SPIDR: variants seen among roughly 807,000 people sequenced by gnomAD.
SPIDR encodes scaffold protein involved in DNA repair.
In SPIDR, 93 loss-of-function variants were observed where a neutral mutation model predicts 104.6. The ratio of observed to expected loss-of-function variants is 0.89; its 90% CI spans 0.75 to 1.06. The LOEUF is 1.06. SPIDR is among the 50% of genes least tolerant of loss of function. The pLI is 0.00. For missense variants in SPIDR, 1,154 were observed against 1,111.2 expected, an observed-to-expected ratio of 1.04 and a Z score of -0.55; for synonymous variants, 431 against 416.9, an observed-to-expected ratio of 1.03 and a Z score of -0.41.
At chr8:47,719,759 C>T (rs1007821607) in intron 16 of SPIDR, among the ~76,000 whole-genome samples, 4 of 151,876 alleles carry the variant, frequency 2.6e-5, no homozygotes, top group Non-Finnish European at 5.9e-5. Flanking sequence ...ACATCTCCCA[C>T]ACTGAAGGAA....
At chr8:47,269,291 G>A (rs1208553610) in intron 1 of SPIDR, among the ~76,000 whole-genome samples, 1 of 150,140 alleles carries the variant, frequency 6.7e-6, no homozygotes, top group African/African-American at 2.5e-5. Context: ...AGAATCTTGC[G>A]CTGTCACCCA....
intron 5 of SPIDR, among the ~76,000 whole-genome samples, chr8:47,298,214 A>G (rs1399168914): frequency 6.6e-6 from 1 of 152,168 alleles, no homozygotes; most frequent in African/African-American, 2.4e-5. Context: ...GCCAGTGATG[A>G]TGAGCATCTT....
chr8:47,581,658 C>A (rs573451208), intron 8 of SPIDR, among the ~76,000 whole-genome samples: 4 of 152,078 alleles, frequency 2.6e-5, no homozygotes, highest in Non-Finnish European at 5.9e-5. Context: ...CCCAAGCATG[C>A]CTTCCATGAA....
intron 8 of SPIDR, among the ~76,000 whole-genome samples, chr8:47,491,694 C>A (rs1267755501): frequency 1.3e-5 from 2 of 151,864 alleles, no homozygotes; most frequent in Non-Finnish European, 2.9e-5. Context: ...GGGTGTGGCC[C>A]CAGTATTAGC....
At chr8:47,315,273 A>G (rs1554588760) in intron 5 of SPIDR, among the ~76,000 whole-genome samples, 1 of 152,200 alleles carries the variant, frequency 6.6e-6, no homozygotes, top group Non-Finnish European at 1.5e-5. Context: ...CATTCTATTC[A>G]AGTACACATG....
intron 5 of SPIDR, among the ~76,000 whole-genome samples, chr8:47,316,910 A>G (rs1174556874): frequency 1.3e-5 from 2 of 152,206 alleles, no homozygotes. Flanking sequence ...GCTGAGATAT[A>G]ATGGGATGAT....
chr8:47,606,284 C>G (rs2062929813), intron 10 of SPIDR, among the ~76,000 whole-genome samples: 1 of 151,884 alleles, frequency 6.6e-6, no homozygotes, highest in South Asian at 2.1e-4. Flanking sequence ...CTTTGGGAGG[C>G]CGAGGTGGGT....
At chr8:47,413,365 T>C (rs1419670262) in intron 7 of SPIDR, among the ~76,000 whole-genome samples, 4 of 152,256 alleles carry the variant, frequency 2.6e-5, no homozygotes, top group Non-Finnish European at 2.9e-5. Context: ...TCTGATTATC[T>C]AGCCAAGGAA....
At chr8:47,371,778 G>C (rs1179960336) in intron 5 of SPIDR, among the ~76,000 whole-genome samples, 1 of 152,172 alleles carries the variant, frequency 6.6e-6, no homozygotes, top group Non-Finnish European at 1.5e-5. Context: ...ATAGTGCATT[G>C]CTTCAAAAAA....
chr8:47,563,154 C>G (rs1317732308), intron 8 of SPIDR, among the ~76,000 whole-genome samples: 4 of 151,552 alleles, frequency 2.6e-5, no homozygotes, highest in Non-Finnish European at 5.9e-5. Context: ...AGGGAGGCAG[C>G]TCAGATCACA....
At chr8:47,304,362 C>T (rs1393024114) in intron 5 of SPIDR, among the ~76,000 whole-genome samples, 1 of 152,010 alleles carries the variant, frequency 6.6e-6, no homozygotes, top group Admixed American at 6.6e-5. Flanking sequence ...CTTATGTGAG[C>T]TGATAATTTA....
chr8:47,503,979 T>C (rs79841143), intron 8 of SPIDR, among the ~76,000 whole-genome samples: 2 of 152,234 alleles, frequency 1.3e-5, no homozygotes, highest in Non-Finnish European at 2.9e-5. Context: ...CTCTTCTGGC[T>C]TGTAGAGTTT....
At position 47,387,921 on chromosome 8, in the gene SPIDR, T is replaced by C. The variant is rs2060144619; in HGVS notation, c.526-8455T>C. ...CCTGACATTCAAGATCCTCCACAGC[T>C]TGCTCCTCACCCAATCCATAGGATT... On this transcript the variant is annotated intron_variant, in intron 5 of 19. Coordinates refer to ENST00000297423, the MANE Select transcript of SPIDR (RefSeq NM_001080394.4). 2.0e-5 allele frequency among the ~76,000 whole-genome samples: 3 copies of C among 152,218 alleles called. No homozygotes were observed. In the South Asian group the frequency reaches 6.2e-4, roughly 32 times the overall value.
chr8:47,415,867 A>G (rs887934417), intron 7 of SPIDR, among the ~76,000 whole-genome samples: 1 of 152,188 alleles, frequency 6.6e-6, no homozygotes, highest in Non-Finnish European at 1.5e-5. Flanking sequence ...CATCACCCCA[A>G]GGATTCTCAT....
At chr8:47,315,850 A>G (rs2045242129) in intron 5 of SPIDR, among the ~76,000 whole-genome samples, 1 of 152,192 alleles carries the variant, frequency 6.6e-6, no homozygotes, top group African/African-American at 2.4e-5. Flanking sequence ...ATGGTACCCA[A>G]AAGATAAATC....
At chr8:47,284,150 G>A in intron 3 of SPIDR, 56 bp downstream of exon 3, 1 of 1,424,100 alleles carries the variant, frequency 7.0e-7, no homozygotes, top group Admixed American at 2.0e-5. Context: ...AAATCCTTCT[G>A]TGATTATTTT....
At chr8:47,597,060 T>C (rs1186394778) in intron 9 of SPIDR, among the ~76,000 whole-genome samples, 1 of 152,178 alleles carries the variant, frequency 6.6e-6, no homozygotes, top group Admixed American at 6.5e-5. Context: ...TAAGGATGTT[T>C]TACAGATAAC....
intron 8 of SPIDR, among the ~76,000 whole-genome samples, chr8:47,564,142 G>T (rs573312637): frequency 3.7e-5 from 5 of 135,250 alleles, no homozygotes; most frequent in African/African-American, 8.4e-5. Flanking sequence ...GCAGTGGCAC[G>T]ATCTCAGTTC....
intron 8 of SPIDR, among the ~76,000 whole-genome samples, chr8:47,451,441 A>G (rs1292455279): frequency 2.0e-5 from 3 of 151,400 alleles, no homozygotes; most frequent in African/African-American, 4.8e-5. Context: ...AATTACCTGG[A>G]TATGGTGGTG....
Sources: allele counts gnomAD v4.1 joint callset (sites outside exome capture counted in the v4.1 genomes callset), GRCh38; gene constraint gnomAD v4.1.1; transcripts MANE v1.5; gene names NCBI Gene and HGNC (gene_info 2026-07-23, HGNC 2026-07-21).